MYH11: variants seen among roughly 807,000 people sequenced by gnomAD.
MYH11 encodes myosin heavy chain 11.
A neutral mutation model predicts 246.6 loss-of-function variants in MYH11; 80 were observed. That is an observed-to-expected ratio of 0.32 (90% CI 0.27 to 0.39). The LOEUF (loss-of-function observed/expected upper bound fraction) is 0.39. MYH11 is among the 10% of genes least tolerant of loss of function. The pLI is 1.00. For missense variants in MYH11, 2,158 were observed against 2,546.8 expected, an observed-to-expected ratio of 0.85 and a Z score of 3.29; for synonymous variants, 1,071 against 1,015.5, an observed-to-expected ratio of 1.05 and a Z score of -1.04.
chr16:15,828,876 A>T (rs1227023906), intron 2 of MYH11, among the ~76,000 whole-genome samples: 6 of 151,598 alleles, frequency 4.0e-5, no homozygotes, highest in African/African-American at 1.5e-4. Flanking sequence ...GAAAAGAATA[A>T]AAGGAATTTT....
In MYH11 at chr16:15,741,580, C is replaced by T. The variant is rs749394349; in HGVS notation, c.2742G>A (p.Ala914=). 33 of 1,612,018 alleles carry T rather than the reference C, an allele frequency of 2.0e-5. No homozygotes were observed. The East Asian group carries it at 2.5e-4, about 12-fold the overall frequency. The change falls in exon 22 of 41, where the codon GCG becomes GCA. Residue 914 remains alanine, a synonymous_variant. Transcript: ENST00000300036. ...AEAEEMRVRL[A]AKKQELEEIL... is the part of the protein sequence containing the mutation. Reference sequence around the variant, plus strand: ...TCTCCTCCAGCTCCTGCTTCTTGGCCGCCAGCCGCACCCGCATCTCCTCAG... The same window carrying T: ...TCTCCTCCAGCTCCTGCTTCTTGGCTGCCAGCCGCACCCGCATCTCCTCAG...
intron 11 of MYH11, 103 bp from the exon 12 acceptor site, chr16:15,759,831 C>T (rs746409421): frequency 2.5e-4 from 364 of 1,439,592 alleles, no homozygotes; most frequent in Middle Eastern, 9.6e-4. Context: ...GGTGCAGTGA[C>T]TCACACTGTA....
intron 10 of MYH11, among the ~76,000 whole-genome samples, chr16:15,761,174 G>A (rs373488369): frequency 2.6e-5 from 4 of 152,058 alleles, no homozygotes; most frequent in East Asian, 1.9e-4. Flanking sequence ...GCAGTGGCGC[G>A]ATCTCAGCTC....
At position 15,778,667 on chromosome 16, in the gene MYH11, G is replaced by C; in HGVS notation, c.790+113C>G. On this transcript the variant is annotated intron_variant, in intron 7 of 40. Coordinates refer to ENST00000300036, the MANE Select transcript of MYH11 (RefSeq NM_002474.3). ...TGTTAAGGGGAGATTTGTTCTGGAA[G>C]AAACCTAAGAGGCTGGAAAGATAGA... The C allele has an allele frequency of 3.7e-6, 4 of 1,077,080 alleles. No individual in the cohort carries two copies. The Admixed American group carries it at 6.9e-5, about 19-fold the overall frequency. 66.7% of individuals were successfully genotyped at this position (1,077,080 alleles called of 1,614,324 possible).
chr16:15,773,567 T>C (rs2042154795), intron 8 of MYH11, among the ~76,000 whole-genome samples: 2 of 152,130 alleles, frequency 1.3e-5, no homozygotes. Flanking sequence ...ATTACAGGTG[T>C]GAGCCACCGT....
At chr16:15,748,271 G>T in intron 16 of MYH11, 103 bp from the exon 17 acceptor site, 1 of 1,565,798 alleles carries the variant, frequency 6.4e-7, no homozygotes, top group East Asian at 2.3e-5. Flanking sequence ...AGGCCATGAG[G>T]GTACCAACAG....
chr16:15,705,093 C>T (rs2151162336), intron 40 of MYH11, among the ~76,000 whole-genome samples: 1 of 152,258 alleles, frequency 6.6e-6, no homozygotes, highest in South Asian at 2.1e-4. Flanking sequence ...AGTCCTTGAG[C>T]CTCAGTATTG....
At chr16:15,715,633 T>C (rs774513843) in intron 38 of MYH11, among the ~76,000 whole-genome samples, 98 of 152,134 alleles carry the variant, frequency 6.4e-4, no homozygotes, top group Middle Eastern at 3.2e-3. Context: ...TCTATTTTTT[T>C]TGCGGGGAGG....
intron 4 of MYH11, among the ~76,000 whole-genome samples, chr16:15,790,147 A>G (rs149463022): frequency 1.2e-3 from 187 of 152,268 alleles, no homozygotes; most frequent in Admixed American, 2.4e-3. Context: ...TCTACTAAAA[A>G]TACAAAAAGT....
At chr16:15,706,715 CA>C (rs554587198) in intron 40 of MYH11, among the ~76,000 whole-genome samples, 3 of 150,000 alleles carry the variant, frequency 2.0e-5, no homozygotes, top group East Asian at 2.0e-4. Context: ...AAAAAAAAAA[CA>C]AAAAAAAATC....
intron 36 of MYH11, 142 bp from the exon 37 acceptor site, chr16:15,718,580 C>T: frequency 2.4e-6 from 3 of 1,272,116 alleles, no homozygotes; most frequent in Non-Finnish European, 3.2e-6. Flanking sequence ...GAAGACTCAT[C>T]TGTAGTTACA....
chr16:15,801,796 A>C (rs1302367028), intron 3 of MYH11, among the ~76,000 whole-genome samples: 1 of 152,080 alleles, frequency 6.6e-6, no homozygotes, highest in African/African-American at 2.4e-5. Context: ...GTCTCTACTA[A>C]AAATACAAAA....
At chr16:15,808,673 G>A (rs545849723) in intron 3 of MYH11, among the ~76,000 whole-genome samples, 4 of 152,214 alleles carry the variant, frequency 2.6e-5, no homozygotes, top group African/African-American at 9.6e-5. Flanking sequence ...GAGGCAGAAG[G>A]ATTGCTTGAG....
Position 15,745,213 on chromosome 16 carries a change from C to T in MYH11, c.2436G>A (p.Gln812=), listed in dbSNP as rs776582278. ...ARKAFAKRQQ[Q]LTAMKVIQRN... is the part of the protein sequence containing the mutation. ...TCTGAATCACCTTCATGGCGGTCAG[C>T]TGCTGCTGCCTCTTGGCAAAAGCCC... The change falls in exon 20 of 41, where the codon CAG becomes CAA. Residue 812 remains glutamine, a synonymous_variant. Transcript: ENST00000300036. The T allele has an allele frequency of 1.2e-6, 2 of 1,613,550 alleles. No homozygotes were observed. Among genetic ancestry groups the T allele is most frequent in the East Asian group, 4.5e-5 (2 of 44,856 alleles).
chr16:15,838,175 G>T lies in MYH11; in HGVS notation c.78C>A (p.Ala26=). ...VDKNFINSPV[A]QADWAAKRLV... Reference sequence around the variant, plus strand: ...GTCTCTTGGCGGCCCAGTCAGCCTGGGCCACTGGGCTGTTGATGAAGTTTT... The same window carrying T: ...GTCTCTTGGCGGCCCAGTCAGCCTGTGCCACTGGGCTGTTGATGAAGTTTT... The change falls in exon 2 of 41, where the codon GCC becomes GCA. Residue 26 remains alanine, a synonymous_variant. Transcript: ENST00000300036. 6.2e-7 allele frequency: 1 copy of T among 1,614,090 alleles called. No individual in the cohort carries two copies. The highest frequency in any genetic ancestry group is 8.5e-7 in the Non-Finnish European group (1 of 1,180,020).
intron 3 of MYH11, among the ~76,000 whole-genome samples, chr16:15,820,475 G>GAA (rs199534515): frequency 2.9e-5 from 3 of 104,394 alleles, no homozygotes; most frequent in Admixed American, 1.1e-4. Flanking sequence ...ACTCCATCCG[G>GAA]AAAAAAAAAA....
chr16:15,789,684 T>C (rs537523637), intron 4 of MYH11, among the ~76,000 whole-genome samples: 1 of 152,312 alleles, frequency 6.6e-6, no homozygotes, highest in East Asian at 1.9e-4. Context: ...CACTCAGTCA[T>C]TCACACCTAA....
chr16:15,821,040 T>C (rs1037141190), intron 3 of MYH11, among the ~76,000 whole-genome samples: 3 of 152,092 alleles, frequency 2.0e-5, no homozygotes, highest in South Asian at 4.2e-4. Context: ...CCAAAGTAAT[T>C]TTTGTATTTT....
At chr16:15,854,866 GA>G (rs745953847) in intron 1 of MYH11, among the ~76,000 whole-genome samples, 2 of 136,024 alleles carry the variant, frequency 1.5e-5, no homozygotes, top group Non-Finnish European at 3.1e-5. Context: ...CTCTGAATAA[GA>G]GGGGGTAGGA....
Sources: gnomAD v4.1 joint callset for allele counts (sites outside exome capture counted in the v4.1 genomes callset) on GRCh38, gnomAD v4.1.1 for gene constraint, MANE v1.5 for transcripts, NCBI Gene and HGNC (gene_info 2026-07-23, HGNC 2026-07-21) for gene names.